PPP1R12B: variants seen among roughly 807,000 people sequenced by gnomAD.
PPP1R12B encodes myosin phosphatase target subunit 2.
In PPP1R12B, 76 loss-of-function variants were observed where a neutral mutation model predicts 126.1. The ratio of observed to expected loss-of-function variants is 0.60; its 90% CI spans 0.50 to 0.73. PPP1R12B has a LOEUF of 0.73. Among genes scored for constraint, PPP1R12B ranks in the 30% least tolerant of loss-of-function variants. The pLI, the probability that PPP1R12B is intolerant of heterozygous loss-of-function variation, is 0.00. For missense variants in PPP1R12B, 1,052 were observed against 1,205.1 expected, an observed-to-expected ratio of 0.87 and a Z score of 1.88; for synonymous variants, 356 against 434.7, an observed-to-expected ratio of 0.82 and a Z score of 2.25.
Position 202,583,457 on chromosome 1 carries a change from G to A in PPP1R12B, c.*2897G>A, listed in dbSNP as rs985691311. 2.6e-5 allele frequency: 4 copies of A among 152,100 alleles called. No individual in the cohort carries two copies. Among genetic ancestry groups the A allele is most frequent in the African/African-American group, 9.7e-5 (4 of 41,404 alleles). The allele number at this position is 152,100 out of a possible 1,614,324, so 9.4% of individuals were successfully genotyped here. On this transcript the variant is annotated 3_prime_UTR_variant, in exon 24 of 24. Transcript: ENST00000608999. Reference sequence around the variant, plus strand: ...CAAGCTTTTCAATCTCAGGAATACTGGATTCTATAGCCAAGAACTCATGAA... The same window carrying A: ...CAAGCTTTTCAATCTCAGGAATACTAGATTCTATAGCCAAGAACTCATGAA...
rs1022344126 is a variant in PPP1R12B at position 202,591,868 on chromosome 1, C to G, written c.*11308C>G. On this transcript the variant is annotated 3_prime_UTR_variant, in exon 24 of 24. Transcript: ENST00000608999. ...TATCCAGAACCATGGAGTCCCACTG[C>G]TGTCTGCTCCTCGCCCAGCGTAGAG... 6.5e-6 allele frequency: 1 copy of G among 152,734 alleles called. No individual in the cohort carries two copies. The highest frequency in any genetic ancestry group is 1.5e-5 in the Non-Finnish European group (1 of 68,098). The allele number at this position is 152,734 out of a possible 1,614,324, so 9.5% of individuals were successfully genotyped here. A position where few individuals can be genotyped will look rare whatever the true frequency, so the allele number is the denominator to read the frequency against.
chr1:202,350,009 T>C (rs1437081215), intron 1 of PPP1R12B, among the ~76,000 whole-genome samples: 1 of 152,218 alleles, frequency 6.6e-6, no homozygotes, highest in African/African-American at 2.4e-5. Flanking sequence ...TCATCAGTTA[T>C]TTTGGTGAGC....
At chr1:202,454,127 T>C (rs1673332840) in intron 13 of PPP1R12B, among the ~76,000 whole-genome samples, 1 of 152,186 alleles carries the variant, frequency 6.6e-6, no homozygotes, top group Non-Finnish European at 1.5e-5. Context: ...AATCAGGTAG[T>C]TTATAAAACT....
At chr1:202,421,042 G>A (rs182239499) in intron 2 of PPP1R12B, among the ~76,000 whole-genome samples, 187 of 134,278 alleles carry the variant, frequency 1.4e-3, no homozygotes, top group African/African-American at 4.9e-3. Context: ...TGCAACCTCC[G>A]CCACCTGGGT....
intron 18 of PPP1R12B, among the ~76,000 whole-genome samples, chr1:202,534,513 A>G (rs897089643): frequency 4.6e-5 from 7 of 150,658 alleles, no homozygotes; most frequent in African/African-American, 1.7e-4. Flanking sequence ...TTATCTATCT[A>G]TATTGAAAAT....
At chr1:202,384,688 A>G (rs565766463) in intron 1 of PPP1R12B, among the ~76,000 whole-genome samples, 1 of 152,352 alleles carries the variant, frequency 6.6e-6, no homozygotes, top group Non-Finnish European at 1.5e-5. Context: ...CACTTTCAGA[A>G]GGTGAATTTT....
At chr1:202,498,856 T>C (rs1038800544) in intron 18 of PPP1R12B, among the ~76,000 whole-genome samples, 7 of 152,186 alleles carry the variant, frequency 4.6e-5, no homozygotes, top group African/African-American at 7.2e-5. Flanking sequence ...CCAGGGCAGC[T>C]CTTTCCTTTC....
chr1:202,556,266 C>T (rs961246756), intron 18 of PPP1R12B, among the ~76,000 whole-genome samples: 16 of 152,158 alleles, frequency 1.1e-4, no homozygotes, highest in African/African-American at 3.9e-4. Flanking sequence ...TTGTAGTTAT[C>T]ACAGTTAATT....
At chr1:202,462,847 A>G (rs908051752) in intron 13 of PPP1R12B, 5 of 985,388 alleles carry the variant, frequency 5.1e-6, no homozygotes, top group Non-Finnish European at 6.0e-6. Context: ...AAGTTGCTGC[A>G]CAAGTGTGTG....
chr1:202,395,513 C>A (rs1032839146), intron 1 of PPP1R12B, among the ~76,000 whole-genome samples: 1 of 152,162 alleles, frequency 6.6e-6, no homozygotes, highest in Non-Finnish European at 1.5e-5. Flanking sequence ...AAATGTTTCT[C>A]ATTTTGGGTG....
intron 18 of PPP1R12B, among the ~76,000 whole-genome samples, chr1:202,513,119 G>A (rs953613625): frequency 1.2e-4 from 18 of 152,110 alleles, no homozygotes; most frequent in African/African-American, 4.3e-4. Flanking sequence ...GATTATAGTC[G>A]TGAGCCACCA....
chr1:202,363,700 G>A (rs762761432), intron 1 of PPP1R12B, among the ~76,000 whole-genome samples: 2 of 152,142 alleles, frequency 1.3e-5, no homozygotes, highest in Non-Finnish European at 2.9e-5. Context: ...GAAGTTCCAG[G>A]ATATTATAGC....
intron 18 of PPP1R12B, among the ~76,000 whole-genome samples, chr1:202,552,529 C>G (rs511705): frequency 0.031 from 4,655 of 152,212 alleles, 190 homozygotes; most frequent in African/African-American, 0.096. Flanking sequence ...TTGAAGGGTC[C>G]TTGCTGCAGC....
intron 13 of PPP1R12B, among the ~76,000 whole-genome samples, chr1:202,451,342 C>T (rs6687009): frequency 6.9e-6 from 1 of 145,060 alleles, no homozygotes; most frequent in Non-Finnish European, 1.5e-5. Context: ...TGTGTCCCTG[C>T]GTACTTGAGA....
intron 13 of PPP1R12B, among the ~76,000 whole-genome samples, chr1:202,455,671 C>A (rs894457983): frequency 6.6e-6 from 1 of 152,170 alleles, no homozygotes; most frequent in Non-Finnish European, 1.5e-5. Context: ...AATGTTACCA[C>A]AAGCATTTGT....
intron 18 of PPP1R12B, among the ~76,000 whole-genome samples, chr1:202,501,368 T>C (rs1680210034): frequency 1.3e-5 from 2 of 152,244 alleles, no homozygotes; most frequent in Non-Finnish European, 1.5e-5. Context: ...TTGGCCTGGA[T>C]TCCATTTTCT....
intron 21 of PPP1R12B, among the ~76,000 whole-genome samples, chr1:202,566,464 A>G (rs969289759): frequency 3.3e-5 from 5 of 152,224 alleles, no homozygotes; most frequent in African/African-American, 1.2e-4. Context: ...GGAGACAGTT[A>G]CCACATGAAC....
At chr1:202,385,786 G>GT (rs1459943671) in intron 1 of PPP1R12B, among the ~76,000 whole-genome samples, 2 of 152,176 alleles carry the variant, frequency 1.3e-5, no homozygotes. Flanking sequence ...GTCCAAGAGG[G>GT]TTTTTTTGTG....
intron 13 of PPP1R12B, among the ~76,000 whole-genome samples, chr1:202,469,820 G>A (rs1469598817): frequency 2.6e-5 from 4 of 152,088 alleles, no homozygotes; most frequent in Non-Finnish European, 5.9e-5. Flanking sequence ...AGGTCTTTTA[G>A]GGAGTTCTTT....
Sources: allele counts gnomAD v4.1 joint callset (sites outside exome capture counted in the v4.1 genomes callset), GRCh38; gene constraint gnomAD v4.1.1; transcripts MANE v1.5; gene names NCBI Gene and HGNC (gene_info 2026-07-23, HGNC 2026-07-21).